Variants in WASF3 observed in about 807,000 individuals in gnomAD.
WASF3 encodes actin-binding protein WASF3.
In WASF3, 11 loss-of-function variants were observed where a neutral mutation model predicts 46.6. That is an observed-to-expected ratio of 0.24 (90% CI 0.15 to 0.39). The LOEUF (loss-of-function observed/expected upper bound fraction) is 0.39, where lower values mean the gene tolerates loss of function less well. WASF3 is among the 10% of genes least tolerant of loss of function. The pLI, the probability that WASF3 is intolerant of heterozygous loss-of-function variation, is 1.00. For synonymous variants in WASF3, 242 were observed against 259.7 expected (o/e 0.93, Z 0.65); for missense variants, 576 against 669.8 (o/e 0.86, Z 1.55).
At chr13:26,669,429 CAT>C (rs1387019971) in intron 5 of WASF3, among the ~76,000 whole-genome samples, 3 of 151,550 alleles carry the variant, frequency 2.0e-5, no homozygotes, top group Middle Eastern at 3.2e-3. Flanking sequence ...GGGTATATAA[CAT>C]ATAAATTTTC....
Position 26,665,676 on chromosome 13 carries a change from A to G in WASF3, c.268+514A>G, listed in dbSNP as rs142506552. Among the ~76,000 whole-genome samples the G allele has an allele frequency of 3.8e-3, 572 of 152,324 alleles. 5 individuals are homozygous for G. The highest frequency in any genetic ancestry group is 0.013 in the African/African-American group (541 of 41,574). ...AAAGCCTTTAGGCTGCAGGCTTTAA[A>G]ATAATGTTAATGTCGACAAGCATTG... On this transcript the variant is annotated intron_variant, in intron 4 of 9. Transcript: ENST00000335327.
At chr13:26,577,572 A>G in intron 1 of WASF3, 1 of 1,166,996 alleles carries the variant, frequency 8.6e-7, no homozygotes, top group Non-Finnish European at 1.3e-6. Context: ...AAACTCATGG[A>G]GCTTCATGGT....
At position 26,559,820 on chromosome 13, in the gene WASF3, T is replaced by TCTTTCTTTCTTTCTTTCTTTC. The variant is rs748976709; in HGVS notation, c.-109+2001_-109+2002insCTTTCTTTCTTTCTTTCTTTC. ...TCTTTCTTTCTTTCTTTTTTTTTTT[T>TCTTTCTTTCTTTCTTTCTTTC]TTTTTTTTTTTTTTGAGACGGAGTC... On this transcript the variant is annotated intron_variant, in intron 1 of 9. Transcript: ENST00000335327. Among the ~76,000 whole-genome samples, 116 of 67,576 alleles carry TCTTTCTTTCTTTCTTTCTTTC rather than the reference T, an allele frequency of 1.7e-3. 1 individual carries two copies. The highest frequency in any genetic ancestry group is 2.6e-3 in the Non-Finnish European group (77 of 29,098). The allele number at this position is 67,576 out of a possible 152,430, so 44.3% of individuals were successfully genotyped here.
chr13:26,683,433 G>A (rs61944460), intron 9 of WASF3, among the ~76,000 whole-genome samples: 182 of 151,050 alleles, frequency 1.2e-3, no homozygotes, highest in Non-Finnish European at 2.1e-3. Flanking sequence ...CCGTGGTCAC[G>A]CCCCTGCACT....
intron 1 of WASF3, among the ~76,000 whole-genome samples, chr13:26,597,444 T>TTTGTTGTTG (rs376294093): frequency 6.6e-6 from 1 of 152,012 alleles, no homozygotes; most frequent in Non-Finnish European, 1.5e-5. Context: ...CCCTTGATTT[T>TTTGTTGTTG]TTGTTGTTGT....
At chr13:26,542,785 C>CA in the WASF3 span, among the ~76,000 whole-genome samples, 1 of 152,188 alleles carries the variant, frequency 6.6e-6, no homozygotes, top group African/African-American at 2.4e-5. Flanking sequence ...GTCTGAAACA[C>CA]ATTGTTAGTT....
upstream of WASF3, among the ~76,000 whole-genome samples, chr13:26,554,448 G>T (rs1233498843): frequency 2.6e-5 from 4 of 151,970 alleles, no homozygotes; most frequent in South Asian, 6.2e-4. Flanking sequence ...TTCTTAAAAG[G>T]TACAATGATA....
intron 1 of WASF3, among the ~76,000 whole-genome samples, chr13:26,594,266 C>T (rs1160651008): frequency 2.6e-5 from 4 of 152,152 alleles, no homozygotes; most frequent in Non-Finnish European, 5.9e-5. Flanking sequence ...GGCCTCTGCT[C>T]CAAGGTCTAA....
intron 3 of WASF3, among the ~76,000 whole-genome samples, chr13:26,653,004 G>T (rs998280929): frequency 6.6e-6 from 1 of 152,006 alleles, no homozygotes; most frequent in Non-Finnish European, 1.5e-5. Context: ...TTTCCACCTC[G>T]CACCTCCCCA....
intron 2 of WASF3, among the ~76,000 whole-genome samples, chr13:26,621,983 C>T (rs1369404807): frequency 6.6e-6 from 1 of 152,144 alleles, no homozygotes; most frequent in Admixed American, 6.5e-5. Flanking sequence ...TGTCACTCTA[C>T]TCTATGGGCC....
the WASF3 span, among the ~76,000 whole-genome samples, chr13:26,545,612 T>A: frequency 2.6e-4 from 39 of 152,206 alleles, no homozygotes; most frequent in Non-Finnish European, 4.4e-5. Context: ...ATTTATGTAT[T>A]TAATTTTTTT....
chr13:26,634,009 C>A (rs974756149), intron 2 of WASF3, among the ~76,000 whole-genome samples: 1 of 152,196 alleles, frequency 6.6e-6, no homozygotes, highest in African/African-American at 2.4e-5. Flanking sequence ...ATTAGGTCCA[C>A]TTGGTGCAGA....
intron 1 of WASF3, among the ~76,000 whole-genome samples, chr13:26,562,698 T>TGA (rs1879330260): frequency 6.6e-6 from 1 of 151,924 alleles, no homozygotes. Context: ...ATGATCTTGG[T>TGA]GAGGAGTCTG....
intron 3 of WASF3, among the ~76,000 whole-genome samples, chr13:26,647,867 G>A (rs1245018806): frequency 6.6e-6 from 1 of 151,974 alleles, no homozygotes; most frequent in African/African-American, 2.4e-5. Flanking sequence ...CCGTTAATCA[G>A]AAAAAATTGT....
rs1203423803 is a variant in WASF3 at position 26,648,088 on chromosome 13, T to G, written c.133+5685T>G. Among the ~76,000 whole-genome samples the G allele has an allele frequency of 2.0e-5, 3 of 152,178 alleles. No homozygotes were observed. The East Asian group carries it at 5.8e-4, about 29-fold the overall frequency. On this transcript the variant is annotated intron_variant, in intron 3 of 9. Coordinates refer to ENST00000335327, the MANE Select transcript of WASF3 (RefSeq NM_006646.6). ...GGGGAACGCTATTATAAATTCTTAC[T>G]CAAAATAATTACATACATCTCTGGT...
chr13:26,646,923 C>G (rs148913250), intron 3 of WASF3, among the ~76,000 whole-genome samples: 1 of 152,186 alleles, frequency 6.6e-6, no homozygotes, highest in Non-Finnish European at 1.5e-5. Flanking sequence ...ATTTAAATGA[C>G]TTTGCATAAA....
At chr13:26,613,588 T>C (rs1881045211) in intron 2 of WASF3, among the ~76,000 whole-genome samples, 1 of 152,034 alleles carries the variant, frequency 6.6e-6, no homozygotes, top group South Asian at 2.1e-4. Flanking sequence ...GCTAACACAG[T>C]GAAAGCCCAT....
intron 4 of WASF3, among the ~76,000 whole-genome samples, chr13:26,665,397 G>A (rs1298640190): frequency 6.6e-6 from 1 of 152,120 alleles, no homozygotes; most frequent in East Asian, 1.9e-4. Flanking sequence ...TACAAATATA[G>A]TATTTGTTTT....
At chr13:26,667,157 C>T (rs1008743474) in intron 4 of WASF3, among the ~76,000 whole-genome samples, 8 of 152,186 alleles carry the variant, frequency 5.3e-5, no homozygotes, top group East Asian at 1.9e-4. Flanking sequence ...GTTGTTTGAA[C>T]GGTGTTTTCC....
Sources: gnomAD v4.1 joint callset for allele counts (sites outside exome capture counted in the v4.1 genomes callset) on GRCh38, gnomAD v4.1.1 for gene constraint, MANE v1.5 for transcripts, NCBI Gene and HGNC (gene_info 2026-07-23, HGNC 2026-07-21) for gene names.